The following CAMKMT variants were observed in gnomAD, a reference collection of about 807,000 sequenced individuals.
CAMKMT encodes the protein calmodulin-lysine N-methyltransferase.
A neutral mutation model predicts 48.0 loss-of-function variants in CAMKMT; 53 were observed. That is an observed-to-expected ratio of 1.10 (90% CI 0.89 to 1.39). The LOEUF (loss-of-function observed/expected upper bound fraction) is 1.39. CAMKMT is among the 40% of genes most tolerant of loss of function. The pLI is 0.00. For missense variants in CAMKMT, 428 were observed against 402.7 expected, an observed-to-expected ratio of 1.06 and a Z score of -0.54; for synonymous variants, 165 against 152.3, an observed-to-expected ratio of 1.08 and a Z score of -0.61.
At chr2:44,722,176 C>CTTTTTTTTTTTT (rs11323950) in intron 7 of CAMKMT, among the ~76,000 whole-genome samples, 233 of 115,242 alleles carry the variant, frequency 2.0e-3, no homozygotes, top group Non-Finnish European at 2.5e-3. Flanking sequence ...TTTCTTTTTT[C>CTTTTTTTTTTTT]TTTTTTTTTT....
At chr2:44,539,787 G>A (rs936008581) in intron 3 of CAMKMT, among the ~76,000 whole-genome samples, 2 of 152,136 alleles carry the variant, frequency 1.3e-5, no homozygotes, top group East Asian at 1.9e-4. Context: ...GGCACTTTTG[G>A]CAAGCATATT....
rs184002553 is a variant in CAMKMT at position 44,717,853 on chromosome 2, A to C, written c.623+2500A>C. Among the ~76,000 whole-genome samples, 19 of 152,052 alleles carry C rather than the reference A, an allele frequency of 1.2e-4. No homozygotes were observed. In the East Asian group the frequency reaches 3.1e-3, roughly 25 times the overall value. ...TAAGAAATGGTATTTAAAAAAAAAA[A>C]AAAAAACAAGCTGCCCAGAAATTTG... On this transcript the variant is annotated intron_variant, in intron 7 of 10. Coordinates refer to ENST00000378494, the MANE Select transcript of CAMKMT (RefSeq NM_024766.5).
intron 3 of CAMKMT, among the ~76,000 whole-genome samples, chr2:44,444,394 A>G (rs1361690321): frequency 6.6e-6 from 1 of 152,212 alleles, no homozygotes; most frequent in African/African-American, 2.4e-5. Flanking sequence ...GATGTGTCAC[A>G]TGAGCTTTTG....
chr2:44,685,836 G>A (rs950931531), intron 3 of CAMKMT, among the ~76,000 whole-genome samples: 1 of 152,046 alleles, frequency 6.6e-6, no homozygotes, highest in Non-Finnish European at 1.5e-5. Context: ...TTCAACAATG[G>A]AACAGGAAAC....
chr2:44,622,684 G>T (rs1672264509), intron 3 of CAMKMT, among the ~76,000 whole-genome samples: 1 of 152,180 alleles, frequency 6.6e-6, no homozygotes, highest in South Asian at 2.1e-4. Context: ...ATTTTTTATG[G>T]TTGCATAGTA....
At chr2:44,631,498 C>T (rs758915237) in intron 3 of CAMKMT, 1 of 621,496 alleles carries the variant, frequency 1.6e-6, no homozygotes, top group South Asian at 2.0e-5. Context: ...CAGATGATGT[C>T]TCACTTTATT....
chr2:44,378,462 C>G (rs1378115817), intron 2 of CAMKMT, among the ~76,000 whole-genome samples: 1 of 136,624 alleles, frequency 7.3e-6, no homozygotes, highest in African/African-American at 2.8e-5. Context: ...TCCAAAGCAT[C>G]TAGAATTAAG....
At chr2:44,488,875 GTGTTT>G (rs1231393323) in intron 3 of CAMKMT, among the ~76,000 whole-genome samples, 1 of 149,022 alleles carries the variant, frequency 6.7e-6, no homozygotes, top group Non-Finnish European at 1.5e-5. Context: ...GTGTGTGTGT[GTGTTT>G]TAAGAAATGG....
chr2:44,766,282 C>A, intron 9 of CAMKMT, 148 bp from the exon 10 acceptor site: 1 of 772,440 alleles, frequency 1.3e-6, no homozygotes, highest in South Asian at 1.7e-5. Flanking sequence ...AAATTATTCT[C>A]ACTGTGAATG....
chr2:44,731,179 A>G (rs868159966), intron 7 of CAMKMT, among the ~76,000 whole-genome samples: 5 of 152,210 alleles, frequency 3.3e-5, no homozygotes, highest in African/African-American at 1.2e-4. Context: ...CGTCTCTACT[A>G]TAAGTACAAA....
intron 3 of CAMKMT, among the ~76,000 whole-genome samples, chr2:44,641,265 G>A (rs1261089892): frequency 1.3e-5 from 2 of 152,094 alleles, no homozygotes; most frequent in Non-Finnish European, 2.9e-5. Flanking sequence ...TAGCATAGAT[G>A]ACCTACGGTT....
At chr2:44,424,332 A>C (rs150240173) in intron 3 of CAMKMT, among the ~76,000 whole-genome samples, 1 of 152,186 alleles carries the variant, frequency 6.6e-6, no homozygotes, top group African/African-American at 2.4e-5. Flanking sequence ...CTCAAGGTCC[A>C]AGCTCCCCAA....
chr2:44,448,550 A>G (rs1445698712), intron 3 of CAMKMT, among the ~76,000 whole-genome samples: 2 of 152,190 alleles, frequency 1.3e-5, no homozygotes, highest in Non-Finnish European at 2.9e-5. Flanking sequence ...ACAGCTATTA[A>G]GCCTTGGTAT....
chr2:44,526,050 T>C (rs1478602638), intron 3 of CAMKMT, among the ~76,000 whole-genome samples: 1 of 152,124 alleles, frequency 6.6e-6, no homozygotes, highest in African/African-American at 2.4e-5. Context: ...CATGGAATAC[T>C]AGGCAGCCAT....
chr2:44,634,956 C>T (rs753459655), intron 3 of CAMKMT, among the ~76,000 whole-genome samples: 53 of 152,222 alleles, frequency 3.5e-4, no homozygotes, highest in Non-Finnish European at 5.7e-4. Context: ...TGCCTGTAAT[C>T]GCAGTGCTTT....
At chr2:44,390,512 C>T (rs928806240) in intron 3 of CAMKMT, among the ~76,000 whole-genome samples, 3 of 132,854 alleles carry the variant, frequency 2.3e-5, no homozygotes, top group Admixed American at 8.4e-5. Flanking sequence ...TTCTAAACTT[C>T]GCAGGTGTGT....
chr2:44,424,262 G>A (rs1389509007), intron 3 of CAMKMT, among the ~76,000 whole-genome samples: 3 of 151,664 alleles, frequency 2.0e-5, no homozygotes, highest in Admixed American at 2.0e-4. Context: ...AAAACCTCTT[G>A]GACACCGGTT....
intron 3 of CAMKMT, among the ~76,000 whole-genome samples, chr2:44,547,007 C>T (rs771537738): frequency 6.6e-6 from 1 of 152,026 alleles, no homozygotes. Flanking sequence ...GAGTATAAAT[C>T]CCTTGGGTTG....
At chr2:44,552,546 C>T (rs1424890521) in intron 3 of CAMKMT, among the ~76,000 whole-genome samples, 2 of 152,188 alleles carry the variant, frequency 1.3e-5, no homozygotes, top group African/African-American at 2.4e-5. Context: ...TGCTCAGAAT[C>T]TGGTGTGAGG....
Sources: gnomAD v4.1 joint callset for allele counts (sites outside exome capture counted in the v4.1 genomes callset) on GRCh38, gnomAD v4.1.1 for gene constraint, MANE v1.5 for transcripts, NCBI Gene and HGNC (gene_info 2026-07-23, HGNC 2026-07-21) for gene names.